The following NRXN1 variants were observed in gnomAD, a reference collection of about 807,000 sequenced individuals.
The protein encoded by NRXN1 is neurexin-1.
NRXN1 carries 39 observed loss-of-function variants against 150.9 expected under a neutral mutation model. That is an observed-to-expected ratio of 0.26 (90% CI 0.20 to 0.34). The LOEUF is 0.34. Among genes scored for constraint, NRXN1 ranks in the 10% least tolerant of loss-of-function variants. The probability of loss-of-function intolerance (pLI) is 1.00; values close to 1 mark genes in which losing one functional copy is unlikely to be tolerated. For missense variants in NRXN1, 1,815 were observed against 1,949.9 expected (o/e 0.93, Z 1.30); for synonymous variants, 924 against 757.0 (o/e 1.22, Z -3.62).
chr2:50,167,051 G>A (rs1352956962), intron 18 of NRXN1, among the ~76,000 whole-genome samples: 1 of 152,072 alleles, frequency 6.6e-6, no homozygotes, highest in Non-Finnish European at 1.5e-5. Context: ...TTATGTTAAG[G>A]AGAGAATTCT....
At chr2:50,856,875 A>G (rs887473083) in intron 5 of NRXN1, among the ~76,000 whole-genome samples, 2 of 152,144 alleles carry the variant, frequency 1.3e-5, no homozygotes, top group African/African-American at 4.8e-5. Flanking sequence ...GTTTAGATAT[A>G]AATGAGGTTT....
At chr2:50,621,804 G>T (rs1182433025) in intron 6 of NRXN1, among the ~76,000 whole-genome samples, 1 of 152,132 alleles carries the variant, frequency 6.6e-6, no homozygotes, top group Non-Finnish European at 1.5e-5. Context: ...TAGGGTCACA[G>T]TTTACTGCAA....
chr2:50,161,991 C>T (rs1202655244), intron 18 of NRXN1, among the ~76,000 whole-genome samples: 2 of 151,980 alleles, frequency 1.3e-5, no homozygotes, highest in African/African-American at 4.8e-5. Flanking sequence ...GTCATTGTAG[C>T]GAAAGAGTAT....
intron 17 of NRXN1, among the ~76,000 whole-genome samples, chr2:50,241,787 T>C (rs866873635): frequency 1.3e-5 from 2 of 151,804 alleles, no homozygotes; most frequent in Non-Finnish European, 2.9e-5. Context: ...TCTCCCTTCT[T>C]GTTCTTTCTT....
At position 50,088,060 on chromosome 2, in the gene NRXN1, A is replaced by G. The variant is rs1225514432; in HGVS notation, c.3718+3263T>C. On this transcript the variant is annotated intron_variant, in intron 19 of 22. Transcript: ENST00000401669. ...TCTCTGAGTATAAGACTTGGTGGTA[A>G]AAGCTCTAATTTAGCTGTTCTTCTA... 5.9e-5 allele frequency among the ~76,000 whole-genome samples: 9 copies of G among 152,270 alleles called. No homozygotes were observed. The East Asian group carries it at 1.5e-3, about 26-fold the overall frequency.
chr2:50,644,325 A>C (rs907378736), intron 5 of NRXN1, among the ~76,000 whole-genome samples: 2 of 151,806 alleles, frequency 1.3e-5, no homozygotes, highest in African/African-American at 4.8e-5. Flanking sequence ...ATTTTTTCTG[A>C]TCTGAAAAAG....
chr2:50,452,014 C>T (rs2087015295), intron 17 of NRXN1, among the ~76,000 whole-genome samples: 1 of 152,178 alleles, frequency 6.6e-6, no homozygotes, highest in African/African-American at 2.4e-5. Flanking sequence ...AGCAAGTACA[C>T]AGGCATGATC....
chr2:50,249,332 A>G lies in NRXN1; in HGVS notation c.3365-12362T>C, dbSNP rs368335799. Among the ~76,000 whole-genome samples, 28 of 152,244 alleles carry G rather than the reference A, an allele frequency of 1.8e-4. No individual in the cohort carries two copies. In the East Asian group the frequency reaches 5.4e-3, roughly 29 times the overall value. ...AAAGTTTAAAAACCAGATGGCTTAG[A>G]GAGGTGGCAGGGAAAAACTCTAACT... is the stretch of plus-strand genomic sequence containing the variant. On this transcript the variant is annotated intron_variant, in intron 17 of 22. Coordinates refer to ENST00000401669, the MANE Select transcript of NRXN1 (RefSeq NM_001330078.2).
chr2:50,080,130 A>G (rs1004051259), intron 19 of NRXN1, among the ~76,000 whole-genome samples: 2 of 152,118 alleles, frequency 1.3e-5, no homozygotes, highest in Non-Finnish European at 2.9e-5. Flanking sequence ...TTAGTCACTT[A>G]TAAGTAGCCA....
intron 2 of NRXN1, among the ~76,000 whole-genome samples, chr2:50,965,970 C>G (rs1206007395): frequency 6.6e-6 from 1 of 151,446 alleles, no homozygotes; most frequent in Non-Finnish European, 1.5e-5. Context: ...ATGTTGCCTT[C>G]TCTCACCATA....
intron 21 of NRXN1, among the ~76,000 whole-genome samples, chr2:50,019,532 A>C (rs1573443793): frequency 6.8e-6 from 1 of 147,434 alleles, no homozygotes; most frequent in South Asian, 2.2e-4. Flanking sequence ...AATCCCAGCC[A>C]CTCGGGAGGC....
chr2:50,137,500 A>C (rs1469534979), intron 18 of NRXN1, among the ~76,000 whole-genome samples: 1 of 152,092 alleles, frequency 6.6e-6, no homozygotes, highest in Non-Finnish European at 1.5e-5. Flanking sequence ...GTTCTACTTG[A>C]CTGCAACTAG....
intron 2 of NRXN1, 66 bp from the exon 3 acceptor site, chr2:50,926,021 C>T (rs1172253283): frequency 3.0e-6 from 4 of 1,349,302 alleles, no homozygotes; most frequent in Non-Finnish European, 4.2e-6. Flanking sequence ...GCAGACTGGA[C>T]CTTGCCTTTG....
At chr2:50,456,620 G>C (rs1558763720) in intron 17 of NRXN1, among the ~76,000 whole-genome samples, 1 of 151,978 alleles carries the variant, frequency 6.6e-6, no homozygotes, top group African/African-American at 2.4e-5. Flanking sequence ...CTTATGACTT[G>C]AATTATTCCT....
At chr2:50,647,961 G>A (rs1219194515) in intron 5 of NRXN1, among the ~76,000 whole-genome samples, 1 of 151,514 alleles carries the variant, frequency 6.6e-6, no homozygotes, top group Admixed American at 6.6e-5. Flanking sequence ...TACAAATAAA[G>A]GAAACAGACC....
intron 21 of NRXN1, among the ~76,000 whole-genome samples, chr2:49,992,030 C>A (rs1260612552): frequency 6.6e-6 from 1 of 152,070 alleles, no homozygotes; most frequent in Non-Finnish European, 1.5e-5. Flanking sequence ...AACTAGACAT[C>A]CATATGAAAA....
intron 2 of NRXN1, among the ~76,000 whole-genome samples, chr2:50,996,846 T>A (rs1016554205): frequency 1.3e-5 from 2 of 152,006 alleles, no homozygotes; most frequent in African/African-American, 4.8e-5. Flanking sequence ...TCCCTTTACA[T>A]TAGGATTCTT....
chr2:50,111,240 C>T (rs957004368), intron 18 of NRXN1, among the ~76,000 whole-genome samples: 1 of 152,074 alleles, frequency 6.6e-6, no homozygotes, highest in Non-Finnish European at 1.5e-5. Flanking sequence ...TAACAGAAGC[C>T]CTTCTAAAAA....
chr2:50,230,138 C>T (rs948238917), intron 18 of NRXN1, among the ~76,000 whole-genome samples: 1 of 151,976 alleles, frequency 6.6e-6, no homozygotes, highest in Admixed American at 6.6e-5. Context: ...CTTCTTTCTG[C>T]TAGCTTAGGA....
Sources: gnomAD v4.1 joint callset for allele counts (sites outside exome capture counted in the v4.1 genomes callset) on GRCh38, gnomAD v4.1.1 for gene constraint, MANE v1.5 for transcripts, NCBI Gene and HGNC (gene_info 2026-07-23, HGNC 2026-07-21) for gene names.